Variants in PAX7 observed in about 807,000 individuals in gnomAD.
PAX7 encodes paired box protein Pax-7.
In PAX7, 18 loss-of-function variants were observed where a neutral mutation model predicts 50.7. The ratio of observed to expected loss-of-function variants is 0.36; its 90% CI spans 0.25 to 0.53. The LOEUF (loss-of-function observed/expected upper bound fraction) is 0.53. Ranked by LOEUF, PAX7 falls within the 20% of genes least tolerant of loss-of-function variation. The probability of loss-of-function intolerance (pLI) is 0.93; values close to 1 mark genes in which losing one functional copy is unlikely to be tolerated. For missense variants in PAX7, 644 were observed against 702.9 expected (o/e 0.92, Z 0.95); for synonymous variants, 310 against 290.4 (o/e 1.07, Z -0.69).
chr1:18,640,411 AC>A (rs2088232958), intron 4 of PAX7, among the ~76,000 whole-genome samples: 1 of 145,848 alleles, frequency 6.9e-6, no homozygotes, highest in African/African-American at 2.6e-5. Context: ...CTCAGCCCAC[AC>A]CATTTTTTCG....
At chr1:18,671,326 A>C (rs536376232) in intron 4 of PAX7, among the ~76,000 whole-genome samples, 1 of 152,250 alleles carries the variant, frequency 6.6e-6, no homozygotes, top group Non-Finnish European at 1.5e-5. Flanking sequence ...GCAGGCCCTA[A>C]GTGAAACCTC....
At chr1:18,667,577 T>A (rs2088689291) in intron 4 of PAX7, among the ~76,000 whole-genome samples, 1 of 151,986 alleles carries the variant, frequency 6.6e-6, no homozygotes, top group Non-Finnish European at 1.5e-5. Flanking sequence ...TAGTGGAGGA[T>A]GCGGTGGAGG....
intron 4 of PAX7, among the ~76,000 whole-genome samples, chr1:18,657,967 G>C (rs1038471045): frequency 2.0e-5 from 3 of 152,092 alleles, no homozygotes; most frequent in African/African-American, 7.2e-5. Context: ...ATATATACTG[G>C]GCCCTTTTGT....
At chr1:18,692,030 G>A in intron 5 of PAX7, 77 bp downstream of exon 5, 2 of 1,376,050 alleles carry the variant, frequency 1.5e-6, no homozygotes, top group Non-Finnish European at 1.0e-6. Flanking sequence ...AAGGTCAGTG[G>A]GTTTAATGGG....
At chr1:18,640,728 G>A (rs964066967) in intron 4 of PAX7, among the ~76,000 whole-genome samples, 3 of 152,100 alleles carry the variant, frequency 2.0e-5, no homozygotes, top group Non-Finnish European at 4.4e-5. Flanking sequence ...TGGGGGCTCG[G>A]AGGAAGATGG....
chr1:18,640,284 G>A (rs2088230844), intron 4 of PAX7, among the ~76,000 whole-genome samples: 1 of 152,178 alleles, frequency 6.6e-6, no homozygotes, highest in Admixed American at 6.5e-5. Context: ...CTGCTAATGC[G>A]GTTTTCGGTC....
At chr1:18,693,593 C>A (rs563489037) in intron 5 of PAX7, among the ~76,000 whole-genome samples, 1 of 152,348 alleles carries the variant, frequency 6.6e-6, no homozygotes, top group South Asian at 2.1e-4. Flanking sequence ...CGCCCCCTGT[C>A]CTCACTCCCA....
At chr1:18,721,267 C>T (rs908024351) in intron 7 of PAX7, among the ~76,000 whole-genome samples, 1 of 152,178 alleles carries the variant, frequency 6.6e-6, no homozygotes, top group Non-Finnish European at 1.5e-5. Context: ...GCCCTTTTGC[C>T]AAGTGTTTTC....
In PAX7 at chr1:18,744,708, G is replaced by A. The variant is rs1369361453; in HGVS notation, c.1403-106G>A. 739 of 618,224 alleles carry A rather than the reference G, an allele frequency of 1.2e-3. 1 individual carries two copies. The highest frequency in any genetic ancestry group is 4.2e-3 in the African/African-American group (185 of 44,286). 38.3% of individuals were successfully genotyped at this position (618,224 alleles called of 1,614,324 possible). A position where few individuals can be genotyped will look rare whatever the true frequency, so the allele number is the denominator to read the frequency against. ...TGGATAAATGGATGGATGGATGGAT[G>A]GATGGATGGATGGATGGATGGATGG... On this transcript the variant is annotated intron_variant, in intron 8 of 8. Transcript: ENST00000420770.
rs369363316 is a variant in PAX7 at position 18,734,528 on chromosome 1, A to G, written c.1156-1104A>G. ...ACTCTCCAGGAGCTCCTGCTGCACC[A>G]CTCCCAGTCCCACCCCAGGAAAGCA... On this transcript the variant is annotated intron_variant, in intron 7 of 8. Transcript: ENST00000420770. Among the ~76,000 whole-genome samples, 25 of 150,160 alleles carry G rather than the reference A, an allele frequency of 1.7e-4. No individual in the cohort carries two copies. In the East Asian group the frequency reaches 4.7e-3, roughly 28 times the overall value.
chr1:18,667,655 G>A (rs2088690234), intron 4 of PAX7, among the ~76,000 whole-genome samples: 2 of 152,206 alleles, frequency 1.3e-5, no homozygotes, highest in East Asian at 1.9e-4. Flanking sequence ...CTGGGTTTAA[G>A]GGGGTGGAAA....
Position 18,700,742 on chromosome 1 carries a change from C to T in PAX7, c.876C>T (p.Phe292=). 6.3e-7 allele frequency: 1 copy of T among 1,599,706 alleles called. No individual in the cohort carries two copies. The change falls in exon 6 of 9, where the codon TTC becomes TTT. Residue 292 remains phenylalanine (F), a synonymous_variant. Transcript: ENST00000420770. This position sits in a 1 kb window ranked among gnomAD's most constrained non-coding sequence, Gnocchi z 4.8. ...TCAACCACCTTCTGCCAGGAGGCTT[C>T]CCACCCACCGGCATGCCCACGCTGC... ...AAFNHLLPGG[F]PPTGMPTLPP...
intron 7 of PAX7, among the ~76,000 whole-genome samples, chr1:18,722,065 G>A (rs1357821727): frequency 6.6e-6 from 1 of 152,150 alleles, no homozygotes; most frequent in Non-Finnish European, 1.5e-5. Context: ...TGCTTCCCAG[G>A]GCTGTTGTGA....
intron 4 of PAX7, among the ~76,000 whole-genome samples, chr1:18,646,885 G>C (rs1320337777): frequency 6.7e-6 from 1 of 148,944 alleles, no homozygotes; most frequent in East Asian, 2.0e-4. Flanking sequence ...GGCGCGGGGC[G>C]GCGCGGCGCG....
At chr1:18,717,568 C>A (rs571090403) in intron 7 of PAX7, among the ~76,000 whole-genome samples, 1 of 152,156 alleles carries the variant, frequency 6.6e-6, no homozygotes, top group Non-Finnish European at 1.5e-5. Context: ...GGTGGCCAGG[C>A]CCCCTCCCAT....
chr1:18,690,831 T>G (rs1027786445), intron 4 of PAX7, among the ~76,000 whole-genome samples: 2 of 152,182 alleles, frequency 1.3e-5, no homozygotes, highest in Admixed American at 6.5e-5. Flanking sequence ...AGAGAGCTTG[T>G]CAGTGGAAGT....
Position 18,634,558 on chromosome 1 carries a change from A to C in PAX7, c.321+20A>C. The stretch of plus-strand genomic sequence containing the variant: ...CCCAGAGTGAGTGTCTTTGCCACAG[A>C]GGCTGGCAGCTGGCTTCCTATAGTC... On this transcript the variant is annotated intron_variant, in intron 2 of 8. Transcript: ENST00000420770. This position sits in a 1 kb window ranked among gnomAD's most constrained non-coding sequence, Gnocchi z 4.0. 1 of 1,606,772 alleles carries C rather than the reference A, an allele frequency of 6.2e-7. No individual in the cohort carries two copies. Among genetic ancestry groups the C allele is most frequent in the South Asian group, 1.1e-5 (1 of 90,878 alleles).
intron 4 of PAX7, among the ~76,000 whole-genome samples, chr1:18,679,279 C>G (rs973091762): frequency 2.6e-5 from 4 of 152,208 alleles, no homozygotes; most frequent in Non-Finnish European, 1.5e-5. Context: ...TCTCCACCTC[C>G]AAACAACTTT....
chr1:18,670,635 G>A (rs528364784), intron 4 of PAX7, among the ~76,000 whole-genome samples: 6 of 152,136 alleles, frequency 3.9e-5, no homozygotes, highest in Non-Finnish European at 7.4e-5. Context: ...CCAGGCATCC[G>A]TCCGTCAGTC....
Sources: allele counts gnomAD v4.1 joint callset (sites outside exome capture counted in the v4.1 genomes callset), GRCh38; gene constraint gnomAD v4.1.1; non-coding constraint Gnocchi (gnomAD v3.1); transcripts MANE v1.5; gene names NCBI Gene and HGNC (gene_info 2026-07-23, HGNC 2026-07-21).